The following SLC30A9 variants were observed in gnomAD, a reference collection of about 807,000 sequenced individuals.
SLC30A9 encodes the protein solute carrier family 30 member 9.
A neutral mutation model predicts 87.5 loss-of-function variants in SLC30A9; 58 were observed. The observed-to-expected ratio is 0.66, with a 90% CI of 0.54 to 0.82. The LOEUF (loss-of-function observed/expected upper bound fraction) is 0.82. SLC30A9 is among the 40% of genes least tolerant of loss of function. SLC30A9 has a pLI of 0.00. For synonymous variants in SLC30A9, 234 were observed against 233.0 expected, an observed-to-expected ratio of 1.00 and a Z score of -0.04; for missense variants, 557 against 679.1, an observed-to-expected ratio of 0.82 and a Z score of 2.00.
chr4:42,057,070 G>A (rs1229839759), intron 9 of SLC30A9, among the ~76,000 whole-genome samples: 2 of 152,224 alleles, frequency 1.3e-5, no homozygotes, highest in African/African-American at 4.8e-5. Context: ...CTTTAGCTCT[G>A]CAGGATATAG....
chr4:42,016,222 T>C (rs1715713834), intron 2 of SLC30A9, among the ~76,000 whole-genome samples: 1 of 152,210 alleles, frequency 6.6e-6, no homozygotes, highest in Non-Finnish European at 1.5e-5. Flanking sequence ...TATATAGCCA[T>C]TCTTCATAAA....
intron 5 of SLC30A9, 75 bp downstream of exon 5, chr4:42,023,005 C>T (rs1716039023): frequency 8.3e-6 from 7 of 842,120 alleles, no homozygotes; most frequent in Non-Finnish European, 1.3e-5. Context: ...TAGACAGAGT[C>T]AGAATTTTTT....
intron 9 of SLC30A9, among the ~76,000 whole-genome samples, chr4:42,050,217 T>G (rs1221615721): frequency 1.3e-5 from 2 of 152,142 alleles, no homozygotes; most frequent in African/African-American, 4.8e-5. Context: ...TCAAATCAGA[T>G]GGATTAAAAC....
chr4:42,012,452 A>T (rs1012870762), intron 2 of SLC30A9, among the ~76,000 whole-genome samples: 2 of 152,104 alleles, frequency 1.3e-5, no homozygotes, highest in African/African-American at 2.4e-5. Flanking sequence ...ATGTCATTTT[A>T]AAAAAAGCTT....
chr4:42,004,784 T>C (rs1296370723), intron 2 of SLC30A9, among the ~76,000 whole-genome samples: 3 of 151,344 alleles, frequency 2.0e-5, no homozygotes, highest in African/African-American at 2.4e-5. Context: ...CCTAAGTAGC[T>C]GAGAAAACAG....
At chr4:42,078,104 C>T (rs1363915343) in intron 16 of SLC30A9, 108 bp from the exon 17 acceptor site, 2 of 572,866 alleles carry the variant, frequency 3.5e-6, no homozygotes, top group South Asian at 2.5e-5. Flanking sequence ...TAAAAATGTT[C>T]ATTAAACTTA....
chr4:42,039,085 GAAT>G (rs1253453934), intron 8 of SLC30A9, 32 bp downstream of exon 8: 1 of 1,480,538 alleles, frequency 6.8e-7, no homozygotes, highest in South Asian at 1.1e-5. Context: ...TTGTGAAATA[GAAT>G]ATATTCTTTT....
intron 16 of SLC30A9, 76 bp from the exon 17 acceptor site, chr4:42,078,135 GT>G (rs546578467): frequency 9.3e-5 from 59 of 633,912 alleles, no homozygotes; most frequent in South Asian, 2.4e-4. Flanking sequence ...TTATAGGTTT[GT>G]TTTTTTTTAA....
At chr4:42,015,016 C>T (rs995103424) in intron 2 of SLC30A9, among the ~76,000 whole-genome samples, 3 of 151,828 alleles carry the variant, frequency 2.0e-5, no homozygotes, top group Non-Finnish European at 4.4e-5. Flanking sequence ...CTACAGTCAG[C>T]GATAATTTAT....
chr4:42,022,775 C>T, intron 4 of SLC30A9, 63 bp from the exon 5 acceptor site: 1 of 881,652 alleles, frequency 1.1e-6, no homozygotes. Context: ...CTTAGTAATC[C>T]TCTTTAAGTA....
At chr4:42,056,618 G>T (rs113408578) in intron 9 of SLC30A9, among the ~76,000 whole-genome samples, 1 of 151,910 alleles carries the variant, frequency 6.6e-6, no homozygotes, top group African/African-American at 2.4e-5. Context: ...ATATCTTCCC[G>T]CCCCAGCCCC....
intron 4 of SLC30A9, among the ~76,000 whole-genome samples, chr4:42,021,881 A>C (rs1482276247): frequency 6.7e-6 from 1 of 150,028 alleles, no homozygotes. Flanking sequence ...CTCCTGAGTA[A>C]CTGGGACTAT....
At chr4:42,049,351 T>C in intron 8 of SLC30A9, 26 bp from the exon 9 acceptor site, 1 of 1,498,670 alleles carries the variant, frequency 6.7e-7, no homozygotes, top group Non-Finnish European at 9.2e-7. Context: ...AAACCTATGC[T>C]AAATTGTTTT....
At chr4:42,004,686 G>A (rs1715127421) in intron 2 of SLC30A9, among the ~76,000 whole-genome samples, 1 of 110,982 alleles carries the variant, frequency 9.0e-6, no homozygotes, top group Non-Finnish European at 1.8e-5. Flanking sequence ...TTGAGACCAA[G>A]TCTCATTCTG....
intron 13 of SLC30A9, among the ~76,000 whole-genome samples, 161 bp downstream of exon 13, chr4:42,066,782 G>C (rs778358951): frequency 1.3e-5 from 2 of 152,094 alleles, no homozygotes; most frequent in Non-Finnish European, 2.9e-5. Context: ...AAAAAGAAAT[G>C]TAGTATAGAA....
chr4:42,088,773 C>T lies in SLC30A9; in HGVS notation c.*2647C>T, dbSNP rs913906254. The T allele has an allele frequency of 1.6e-4, 24 of 152,078 alleles. No homozygotes were observed. The highest frequency in any genetic ancestry group is 2.6e-4 in the Admixed American group (4 of 15,268). The allele number at this position is 152,078 out of a possible 1,614,324, so 9.4% of individuals were successfully genotyped here. ...CTACCTCCAACATGGGATTACAATT[C>T]GACATGAGATTTGGTGGGGACAAAG... On this transcript the variant is annotated 3_prime_UTR_variant, in exon 18 of 18. Transcript: ENST00000264451.
chr4:42,076,360 C>G (rs1458465802), intron 16 of SLC30A9, among the ~76,000 whole-genome samples: 1 of 152,252 alleles, frequency 6.6e-6, no homozygotes, highest in Non-Finnish European at 1.5e-5. Context: ...ATATCTCATT[C>G]TTCTTCTTCC....
At chr4:42,065,217 C>T (rs962023074) in intron 11 of SLC30A9, 93 bp from the exon 12 acceptor site, 9 of 720,278 alleles carry the variant, frequency 1.2e-5, no homozygotes, top group Non-Finnish European at 2.0e-5. Flanking sequence ...AATTTGAATT[C>T]GTGTTTTTGT....
chr4:42,006,089 G>A (rs1331441018), intron 2 of SLC30A9, among the ~76,000 whole-genome samples: 1 of 152,138 alleles, frequency 6.6e-6, no homozygotes, highest in Non-Finnish European at 1.5e-5. Flanking sequence ...GGTTTACTTA[G>A]CATTTGCATT....
Sources: allele counts gnomAD v4.1 joint callset (sites outside exome capture counted in the v4.1 genomes callset), GRCh38; gene constraint gnomAD v4.1.1; transcripts MANE v1.5; gene names NCBI Gene and HGNC (gene_info 2026-07-23, HGNC 2026-07-21).